NXF1: variants seen among roughly 807,000 people sequenced by gnomAD.
NXF1 encodes the protein nuclear RNA export factor 1.
A neutral mutation model predicts 92.4 loss-of-function variants in NXF1; 43 were observed. The ratio of observed to expected loss-of-function variants is 0.47; its 90% CI spans 0.36 to 0.60. The LOEUF (loss-of-function observed/expected upper bound fraction) is 0.60. Among genes scored for constraint, NXF1 ranks in the 20% least tolerant of loss-of-function variants. The probability of loss-of-function intolerance (pLI) is 0.00; values close to 1 mark genes in which losing one functional copy is unlikely to be tolerated. For missense variants in NXF1, 576 were observed against 793.0 expected (o/e 0.73, Z 3.29); for synonymous variants, 288 against 292.2 (o/e 0.99, Z 0.15).
chr11:62,795,554 G>A (rs2084411074), intron 17 of NXF1, among the ~76,000 whole-genome samples: 1 of 152,206 alleles, frequency 6.6e-6, no homozygotes, highest in African/African-American at 2.4e-5. Context: ...AGTCACTTCA[G>A]TTTACTTCCT....
chr11:62,803,364 C>T, intron 3 of NXF1, 55 bp downstream of exon 3: 1 of 1,408,890 alleles, frequency 7.1e-7, no homozygotes, highest in Non-Finnish European at 9.8e-7. Context: ...AACATCTCCA[C>T]TCTCAGCGTG....
At chr11:62,793,010 TTA>T (rs1303904209) in intron 19 of NXF1, among the ~76,000 whole-genome samples, 2 of 152,158 alleles carry the variant, frequency 1.3e-5, no homozygotes, top group African/African-American at 4.8e-5. Flanking sequence ...CATTTTACCT[TTA>T]AAGTTTTTTA....
intron 10 of NXF1, chr11:62,800,083 C>G (rs768469920): frequency 7.7e-5 from 95 of 1,241,230 alleles, no homozygotes; most frequent in Non-Finnish European, 9.0e-5. Flanking sequence ...AGGGGAGATG[C>G]CTTTCCTGGA....
At chr11:62,799,151 G>C in intron 10 of NXF1, 1 of 983,878 alleles carries the variant, frequency 1.0e-6, no homozygotes, top group Non-Finnish European at 1.2e-6. Context: ...ATAGGAGACA[G>C]ACAGAAAAAG....
intron 10 of NXF1, chr11:62,798,876 C>T (rs2084448978): frequency 8.3e-7 from 1 of 1,211,648 alleles, no homozygotes; most frequent in Non-Finnish European, 1.0e-6. Context: ...CCCCCCTTAC[C>T]TTCCACCTAC....
intron 8 of NXF1, 21 bp from the exon 9 acceptor site, chr11:62,801,222 A>G (rs1231845812): frequency 6.2e-7 from 1 of 1,611,198 alleles, no homozygotes; most frequent in Admixed American, 1.7e-5. Context: ...AGAAGAGTTT[A>G]GAGGAGGCAC....
rs747060941 is a variant in NXF1 at position 62,804,055 on chromosome 11, C to G, written c.29-77G>C. ...GGTGTGGCAATCATAGCTTCTAGTA[C>G]TCTGAACTATTGGAAGAGATACATA... On this transcript the variant is annotated intron_variant, in intron 1 of 20. Transcript: ENST00000294172. 4.4e-6 allele frequency: 7 copies of G among 1,599,530 alleles called. No individual in the cohort carries two copies. In the African/African-American group the frequency reaches 8.0e-5, roughly 18 times the overall value.
intron 2 of NXF1, 96 bp downstream of exon 2, chr11:62,803,696 C>T: frequency 6.5e-7 from 1 of 1,544,478 alleles, no homozygotes; most frequent in South Asian, 1.2e-5. Context: ...TGGCATTTCT[C>T]ACTCTAACAG....
intron 3 of NXF1, among the ~76,000 whole-genome samples, chr11:62,803,095 C>A (rs1296777151): frequency 6.6e-6 from 1 of 152,058 alleles, no homozygotes; most frequent in Non-Finnish European, 1.5e-5. Context: ...CCAAGGCGGG[C>A]AGATCATGAC....
In NXF1 at chr11:62,801,421, C is replaced by T. The variant is rs769144144; in HGVS notation, c.710-4G>A. The T allele has an allele frequency of 6.3e-5, 102 of 1,614,022 alleles. No homozygotes were observed. The Admixed American group carries it at 1.7e-3, about 26-fold the overall frequency. ...TCAATGTTCTGGGCCACCAAATCTT[C>T]AGGAAGCAGAAGGGAAGGAAAGGGA... On this transcript the variant is annotated splice_polypyrimidine_tract_variant and splice_region_variant and intron_variant, in intron 7 of 20. Transcript: ENST00000294172.
rs552489783 is a variant in NXF1, at chr11:62,798,482, G to A, written c.1053+57C>T. 7.2e-5 allele frequency: 114 copies of A among 1,586,596 alleles called. 2 individuals are homozygous for A. In the South Asian group the frequency reaches 1.2e-3, roughly 16 times the overall value. On this transcript the variant is annotated intron_variant, in intron 11 of 20. Coordinates refer to ENST00000294172, the MANE Select transcript of NXF1 (RefSeq NM_006362.5). The stretch of plus-strand genomic sequence containing the variant: ...GAAAAAGAAAAAGAAACCTATCCAG[G>A]AATCCTTGTGAGTGAGAGATGCTGT...
intron 12 of NXF1, 25 bp from the exon 13 acceptor site, chr11:62,797,263 C>G: frequency 6.2e-7 from 1 of 1,614,086 alleles, no homozygotes; most frequent in Non-Finnish European, 8.5e-7. Context: ...GTATTAGGAA[C>G]ATGGAAGCAG....
At chr11:62,799,460 G>A (rs1221981106) in intron 10 of NXF1, 2 of 985,790 alleles carry the variant, frequency 2.0e-6, no homozygotes, top group South Asian at 4.7e-5. Context: ...TAGGATTGTG[G>A]GGGTGAGGGT....
At chr11:62,800,346 C>T in intron 10 of NXF1, 31 bp downstream of exon 10, 1 of 1,613,828 alleles carries the variant, frequency 6.2e-7, no homozygotes, top group Non-Finnish European at 8.5e-7. Context: ...GGTGAAGGTC[C>T]CCAGGAGGGG....
intron 3 of NXF1, 29 bp from the exon 4 acceptor site, chr11:62,802,289 G>A (rs747170041): frequency 1.3e-6 from 2 of 1,586,550 alleles, no homozygotes; most frequent in African/African-American, 2.7e-5. Flanking sequence ...GAAAAGAAGG[G>A]AATGATAAGT....
At chr11:62,802,360 T>G in intron 3 of NXF1, 100 bp from the exon 4 acceptor site, 2 of 934,492 alleles carry the variant, frequency 2.1e-6, no homozygotes, top group Non-Finnish European at 3.3e-6. Context: ...TTTTAAAGAC[T>G]ATCTAAAGAA....
Position 62,801,198 on chromosome 11 carries a change from A to G in NXF1, c.802T>C (p.Leu268=), listed in dbSNP as rs1427123656. 2 of 1,613,996 alleles carry G rather than the reference A, an allele frequency of 1.2e-6. No homozygotes were observed. The highest frequency in any genetic ancestry group is 2.7e-5 in the African/African-American group (2 of 74,930). ...CTGTTGTTGCTCAAGTTCAAGGACAATAGCTGTGAGGAGAGAAGAGTTTAG... is the reference window on the plus strand; with the variant it reads ...CTGTTGTTGCTCAAGTTCAAGGACAGTAGCTGTGAGGAGAGAAGAGTTTAG... ...RIIEENIPEL[L]SLNLSNNRLY... The change falls in exon 9 of 21, where the codon TTG becomes CTG. Residue 268 remains leucine, a synonymous_variant. Transcript: ENST00000294172.
intron 8 of NXF1, 26 bp from the exon 9 acceptor site, chr11:62,801,227 A>G: frequency 6.2e-7 from 1 of 1,608,562 alleles, no homozygotes; most frequent in African/African-American, 1.3e-5. Flanking sequence ...AGTTTAGAGG[A>G]GGCACCACCA....
Position 62,803,812 on chromosome 11 carries a change from C to G in NXF1, c.195G>C (p.Gln65His). 2 of 1,613,872 alleles carry G rather than the reference C, an allele frequency of 1.2e-6. No homozygotes were observed. Among genetic ancestry groups the G allele is most frequent in the Non-Finnish European group, 1.7e-6 (2 of 1,179,798 alleles). ...CTCACTATCGTACTCGGGGACCATC[C>G]TGGGCATCACTCATTGCCACATCTC... The part of the protein sequence containing the change: ...DDGDVAMSDA[Q>H]DGPRVRYNPY... Residue 65 changes from glutamine to histidine, a missense_variant, in exon 2 of 21, where the codon CAG becomes CAC. By Grantham distance (24) the Gln-to-His change is conservative (BLOSUM62 0). This residue lies in a region of NXF1 where 151 missense variants were observed against 157.8 expected (regional missense o/e 0.96). Coordinates refer to ENST00000294172, the MANE Select transcript of NXF1 (RefSeq NM_006362.5).
Sources: gnomAD v4.1 joint callset for allele counts (sites outside exome capture counted in the v4.1 genomes callset) on GRCh38, gnomAD v4.1.1 for gene constraint, gnomAD v4.1.1 regional missense constraint, MANE v1.5 for transcripts, NCBI Gene and HGNC (gene_info 2026-07-23, HGNC 2026-07-21) for gene names.